GDAP2: variants seen among roughly 807,000 people sequenced by gnomAD.
GDAP2 encodes ganglioside induced differentiation associated protein 2.
A neutral mutation model predicts 67.0 loss-of-function variants in GDAP2; 51 were observed. That is an observed-to-expected ratio of 0.76 (90% confidence interval 0.61 to 0.96). The LOEUF (loss-of-function observed/expected upper bound fraction) is 0.96, where lower values mean the gene tolerates loss of function less well. Among genes scored for constraint, GDAP2 ranks in the 40% least tolerant of loss-of-function variants. GDAP2 has a pLI of 0.00. For missense variants in GDAP2, 547 were observed against 588.3 expected, an observed-to-expected ratio of 0.93 and a Z score of 0.73; for synonymous variants, 203 against 207.3, an observed-to-expected ratio of 0.98 and a Z score of 0.18.
intron 13 of GDAP2, among the ~76,000 whole-genome samples, chr1:117,875,462 G>C (rs1648425311): frequency 6.6e-6 from 1 of 152,248 alleles, no homozygotes; most frequent in Non-Finnish European, 1.5e-5. Flanking sequence ...AGAAAGCCTG[G>C]GTTCCCAGAT....
At chr1:117,926,321 C>T (rs911105461) in intron 1 of GDAP2, among the ~76,000 whole-genome samples, 2 of 152,226 alleles carry the variant, frequency 1.3e-5, no homozygotes, top group African/African-American at 4.8e-5. Flanking sequence ...CTATTATCTT[C>T]TTTGACATTA....
At chr1:117,919,870 T>C (rs1650182549) in intron 2 of GDAP2, among the ~76,000 whole-genome samples, 1 of 151,204 alleles carries the variant, frequency 6.6e-6, no homozygotes, top group Non-Finnish European at 1.5e-5. Context: ...GATCAGTGGT[T>C]GCTTGGGGAT....
intron 8 of GDAP2, among the ~76,000 whole-genome samples, chr1:117,895,574 G>A (rs1410570221): frequency 6.6e-6 from 1 of 152,154 alleles, no homozygotes; most frequent in Non-Finnish European, 1.5e-5. Context: ...TCCCAGTAAT[G>A]TGAGGAGCCC....
intron 2 of GDAP2, among the ~76,000 whole-genome samples, chr1:117,918,987 G>A (rs1262439899): frequency 6.6e-6 from 1 of 152,118 alleles, no homozygotes; most frequent in Non-Finnish European, 1.5e-5. Context: ...TACTTATTAT[G>A]GCCAGAGAGT....
At chr1:117,902,106 C>A (rs950564661) in intron 6 of GDAP2, among the ~76,000 whole-genome samples, 2 of 152,162 alleles carry the variant, frequency 1.3e-5, no homozygotes, top group Non-Finnish European at 1.5e-5. Flanking sequence ...TGCATAGCAC[C>A]CATGCCTCTC....
chr1:117,882,265 A>C (rs146560956), intron 11 of GDAP2, among the ~76,000 whole-genome samples: 37 of 152,308 alleles, frequency 2.4e-4, no homozygotes, highest in African/African-American at 8.4e-4. Context: ...TTCAATGGTC[A>C]TATTACAACA....
intron 1 of GDAP2, among the ~76,000 whole-genome samples, chr1:117,922,338 C>T (rs1408976410): frequency 6.6e-6 from 1 of 151,946 alleles, no homozygotes; most frequent in Admixed American, 6.6e-5. Context: ...AGAAGGAATG[C>T]TAAGAAAGGA....
At chr1:117,898,836 A>T (rs1649348824) in intron 7 of GDAP2, among the ~76,000 whole-genome samples, 1 of 152,122 alleles carries the variant, frequency 6.6e-6, no homozygotes, top group Non-Finnish European at 1.5e-5. Flanking sequence ...GCCACCTCTT[A>T]ATCCCCACTG....
At position 117,920,314 on chromosome 1, in the gene GDAP2, G is replaced by A. The variant is rs1272520325; in HGVS notation, c.44C>T (p.Thr15Ile). The change falls in exon 2 of 14, where the codon ACA (threonine) becomes ATA (isoleucine). Residue 15 changes from threonine to isoleucine, a missense_variant. Transcript: ENST00000369443. ...GAPSQFVDVD[T>I]LPSWGDSCQD... is the part of the protein sequence containing the mutation. ...GCATGAGTCACCCCAGCTTGGTAGT[G>A]TATCCACATCCACAAACTGGGAAGG... 8.1e-6 allele frequency: 13 copies of A among 1,608,940 alleles called. No homozygotes were observed. The highest frequency in any genetic ancestry group is 1.3e-5 in the African/African-American group (1 of 74,772).
chr1:117,895,911 C>T (rs1649246103), intron 8 of GDAP2, among the ~76,000 whole-genome samples: 1 of 152,028 alleles, frequency 6.6e-6, no homozygotes, highest in South Asian at 2.1e-4. Context: ...TGGGTGAGTA[C>T]AGGGTATGAA....
intron 13 of GDAP2, among the ~76,000 whole-genome samples, chr1:117,870,839 T>C (rs1648233944): frequency 6.6e-6 from 1 of 152,158 alleles, no homozygotes; most frequent in Non-Finnish European, 1.5e-5. Flanking sequence ...ATAATACCAC[T>C]TATTGAATAT....
intron 1 of GDAP2, among the ~76,000 whole-genome samples, chr1:117,924,891 T>C (rs553752724): frequency 3.8e-4 from 58 of 152,276 alleles, no homozygotes; most frequent in African/African-American, 1.3e-3. Flanking sequence ...GAAGACTATA[T>C]ACTCTTCTAT....
At chr1:117,879,377 T>A (rs1648574531) in intron 12 of GDAP2, among the ~76,000 whole-genome samples, 1 of 152,108 alleles carries the variant, frequency 6.6e-6, no homozygotes, top group South Asian at 2.1e-4. Flanking sequence ...TGAGGAGTTC[T>A]GTTTAAAAAT....
At chr1:117,897,449 G>T (rs1649304727) in intron 7 of GDAP2, among the ~76,000 whole-genome samples, 1 of 152,196 alleles carries the variant, frequency 6.6e-6, no homozygotes, top group Non-Finnish European at 1.5e-5. Flanking sequence ...GGATGTACCA[G>T]GATCACAGAG....
At chr1:117,898,618 T>C (rs1269607119) in intron 7 of GDAP2, among the ~76,000 whole-genome samples, 1 of 152,152 alleles carries the variant, frequency 6.6e-6, no homozygotes, top group African/African-American at 2.4e-5. Context: ...TCCTAACACG[T>C]TCTACCTACT....
At chr1:117,918,121 TACATTTTAAG>T (rs1349605473) in intron 3 of GDAP2, among the ~76,000 whole-genome samples, 1 of 152,234 alleles carries the variant, frequency 6.6e-6, no homozygotes, top group Non-Finnish European at 1.5e-5. Flanking sequence ...CTTTGCTGTT[TACATTTTAAG>T]AAACATTGCT....
chr1:117,892,890 T>A (rs1557800206), intron 8 of GDAP2, among the ~76,000 whole-genome samples: 1 of 152,158 alleles, frequency 6.6e-6, no homozygotes, highest in Admixed American at 6.6e-5. Context: ...TTCCCAGACC[T>A]TATACAATTG....
At chr1:117,885,732 T>C (rs1295185553) in intron 10 of GDAP2, among the ~76,000 whole-genome samples, 1 of 152,186 alleles carries the variant, frequency 6.6e-6, no homozygotes, top group Non-Finnish European at 1.5e-5. Flanking sequence ...TTAAATTCTG[T>C]GTAATTTTGC....
chr1:117,885,336 G>A (rs1477645236), intron 10 of GDAP2, among the ~76,000 whole-genome samples: 7 of 151,594 alleles, frequency 4.6e-5, no homozygotes, highest in Non-Finnish European at 1.0e-4. Flanking sequence ...TATATATGAC[G>A]AAAAAATGTG....
Sources: gnomAD v4.1 joint callset for allele counts (sites outside exome capture counted in the v4.1 genomes callset) on GRCh38, gnomAD v4.1.1 for gene constraint, MANE v1.5 for transcripts, NCBI Gene and HGNC (gene_info 2026-07-23, HGNC 2026-07-21) for gene names.